Variants in VIT observed in about 807,000 individuals in gnomAD.
The protein encoded by VIT is vitrin.
VIT carries 99 observed loss-of-function variants against 78.0 expected under a neutral mutation model. The ratio of observed to expected loss-of-function variants is 1.27; its 90% CI spans 1.08 to 1.50. The LOEUF (loss-of-function observed/expected upper bound fraction) is 1.50. Among genes scored for constraint, VIT ranks in the 40% most tolerant of loss-of-function variants. VIT has a pLI of 0.00. For missense variants in VIT, 1,126 were observed against 875.3 expected (o/e 1.29, Z -3.61); for synonymous variants, 374 against 334.3 (o/e 1.12, Z -1.29).
chr2:36,737,407 CA>C (rs1231059517), intron 3 of VIT, among the ~76,000 whole-genome samples: 2 of 152,114 alleles, frequency 1.3e-5, no homozygotes, highest in East Asian at 3.9e-4. Flanking sequence ...GTTTTCTAAG[CA>C]GGAAATTTAC....
intron 15 of VIT, among the ~76,000 whole-genome samples, 186 bp from the exon 16 acceptor site, chr2:36,813,997 A>G (rs140065186): frequency 6.6e-6 from 1 of 152,368 alleles, no homozygotes; most frequent in African/African-American, 2.4e-5. Flanking sequence ...GAGTGAATAA[A>G]TGAATGGCCA....
chr2:36,765,620 C>A lies in VIT; in HGVS notation c.488-1474C>A, dbSNP rs555674772. Among the ~76,000 whole-genome samples, 6 of 152,224 alleles carry A rather than the reference C, an allele frequency of 3.9e-5. No individual in the cohort carries two copies. In the East Asian group the frequency reaches 7.7e-4, roughly 20 times the overall value. On this transcript the variant is annotated intron_variant, in intron 6 of 15. Coordinates refer to ENST00000379242, the MANE Select transcript of VIT (RefSeq NM_053276.4). Reference sequence around the variant, plus strand: ...ATGAGATTTGGGTGGGGACACGGACCCAAACCATATCAGAGGTCATATGAC... The same window carrying A: ...ATGAGATTTGGGTGGGGACACGGACACAAACCATATCAGAGGTCATATGAC...
chr2:36,808,688 C>G lies in VIT; in HGVS notation c.1606C>G (p.Leu536Val). ...FRTVLQFVTN[L>V]TKEFEISDTD... ...CACCGTCCTCCAGTTTGTGACCAAC[C>G]TCACCAAAGAGTTTGAGATTTCCGA... Residue 536 changes from leucine (L) to valine (V), a missense_variant, in exon 15 of 16, where the codon CTC becomes GTC. By Grantham distance (32) the Leu-to-Val change is conservative. Coordinates refer to ENST00000379242, the MANE Select transcript of VIT (RefSeq NM_053276.4). The G allele has an allele frequency of 3.7e-6, 6 of 1,614,226 alleles. No homozygotes were observed. The highest frequency in any genetic ancestry group is 2.2e-5 in the East Asian group (1 of 44,882).
intron 2 of VIT, among the ~76,000 whole-genome samples, chr2:36,723,355 A>G (rs1666631010): frequency 6.6e-6 from 1 of 152,218 alleles, no homozygotes; most frequent in South Asian, 2.1e-4. Context: ...TTTCTAGGTC[A>G]AAGAATATAA....
chr2:36,750,736 G>A (rs1026572178), intron 4 of VIT, among the ~76,000 whole-genome samples: 3 of 151,628 alleles, frequency 2.0e-5, no homozygotes, highest in Admixed American at 6.6e-5. Context: ...CAGGAGAATC[G>A]CTTGAACCTG....
intron 8 of VIT, among the ~76,000 whole-genome samples, chr2:36,774,288 A>C (rs1266607205): frequency 2.6e-5 from 4 of 152,068 alleles, no homozygotes; most frequent in Non-Finnish European, 5.9e-5. Flanking sequence ...CCGGGAGTTC[A>C]CCTATGAATT....
At chr2:36,802,897 G>A (rs1258755323) in intron 13 of VIT, among the ~76,000 whole-genome samples, 1 of 152,234 alleles carries the variant, frequency 6.6e-6, no homozygotes, top group Non-Finnish European at 1.5e-5. Flanking sequence ...AACTGAAGAA[G>A]CAGACTGTAG....
intron 1 of VIT, among the ~76,000 whole-genome samples, chr2:36,709,904 T>A (rs1255603674): frequency 6.6e-6 from 1 of 152,228 alleles, no homozygotes; most frequent in East Asian, 1.9e-4. Flanking sequence ...ATGAGTGGAC[T>A]ATGAAGAAGA....
At chr2:36,706,381 G>A (rs1452076204) in intron 1 of VIT, among the ~76,000 whole-genome samples, 1 of 152,142 alleles carries the variant, frequency 6.6e-6, no homozygotes, top group Non-Finnish European at 1.5e-5. Context: ...AACTTAAACT[G>A]GCTCAAGTCA....
At chr2:36,800,972 G>A (rs763724) in intron 12 of VIT, among the ~76,000 whole-genome samples, 100,043 of 151,984 alleles carry the variant, frequency 0.66, 33,891 homozygotes, top group East Asian at 0.81. Flanking sequence ...CCTGACATTT[G>A]CAAAATCCCA....
chr2:36,770,953 T>G (rs558364700), intron 7 of VIT, among the ~76,000 whole-genome samples: 1 of 152,302 alleles, frequency 6.6e-6, no homozygotes, highest in East Asian at 1.9e-4. Context: ...CTCCACCTTC[T>G]GACCAAGGAC....
chr2:36,736,129 G>A, intron 3 of VIT, among the ~76,000 whole-genome samples: 1 of 152,014 alleles, frequency 6.6e-6, no homozygotes, highest in East Asian at 1.9e-4. Flanking sequence ...TTAGCCAGAG[G>A]CACCTTAGTG....
chr2:36,787,655 A>G (rs1482577889), intron 12 of VIT: 7 of 330,972 alleles, frequency 2.1e-5, no homozygotes, highest in Non-Finnish European at 4.1e-5. Flanking sequence ...TGAAGGTTGG[A>G]TCTGCTTTCA....
At chr2:36,713,439 G>A (rs904106928) in intron 1 of VIT, among the ~76,000 whole-genome samples, 9 of 152,206 alleles carry the variant, frequency 5.9e-5, no homozygotes, top group Admixed American at 3.3e-4. Flanking sequence ...AGGGTCTTGA[G>A]CCACTTGTAA....
chr2:36,777,849 T>C (rs1033446039), intron 9 of VIT, among the ~76,000 whole-genome samples: 1 of 152,192 alleles, frequency 6.6e-6, no homozygotes, highest in African/African-American at 2.4e-5. Flanking sequence ...GCCACCTGTC[T>C]CCATTCCCTT....
At chr2:36,794,330 G>GA (rs11307491) in intron 12 of VIT, among the ~76,000 whole-genome samples, 12 of 151,862 alleles carry the variant, frequency 7.9e-5, no homozygotes, top group Non-Finnish European at 1.3e-4. Flanking sequence ...ATATTCCCTA[G>GA]AAAAAAAAAT....
chr2:36,772,211 C>T (rs978591423), intron 7 of VIT, among the ~76,000 whole-genome samples: 10 of 151,982 alleles, frequency 6.6e-5, no homozygotes, highest in African/African-American at 1.9e-4. Context: ...GAGTTCAATA[C>T]CAGCCTGGGC....
At chr2:36,783,438 T>C in intron 11 of VIT, 36 bp downstream of exon 11, 1 of 1,606,892 alleles carries the variant, frequency 6.2e-7, no homozygotes, top group South Asian at 1.1e-5. Context: ...CACGGTGTCT[T>C]TGACATCTGA....
At chr2:36,739,104 C>T (rs1418526045) in intron 3 of VIT, among the ~76,000 whole-genome samples, 1 of 151,964 alleles carries the variant, frequency 6.6e-6, no homozygotes, top group African/African-American at 2.4e-5. Context: ...TATCACAGTG[C>T]AACAAAATTA....
Sources: gnomAD v4.1 joint callset for allele counts (sites outside exome capture counted in the v4.1 genomes callset) on GRCh38, gnomAD v4.1.1 for gene constraint, MANE v1.5 for transcripts, NCBI Gene and HGNC (gene_info 2026-07-23, HGNC 2026-07-21) for gene names.